Variants in PRRC2B observed in about 807,000 individuals in gnomAD.
PRRC2B encodes proline rich coiled-coil 2B.
Under a neutral mutation model 242.3 loss-of-function variants are expected in PRRC2B, and 68 were observed. The ratio of observed to expected loss-of-function variants is 0.28; its 90% confidence interval spans 0.23 to 0.34. The LOEUF is 0.34. PRRC2B is among the 10% of genes least tolerant of loss of function. The probability of loss-of-function intolerance (pLI) is 1.00; values close to 1 mark genes in which losing one functional copy is unlikely to be tolerated. For missense variants in PRRC2B, 2,835 were observed against 2,954.8 expected, an observed-to-expected ratio of 0.96 and a Z score of 0.94; for synonymous variants, 1,228 against 1,173.6, an observed-to-expected ratio of 1.05 and a Z score of -0.95.
chr9:131,466,841 G>A (rs1018072474), intron 12 of PRRC2B, among the ~76,000 whole-genome samples: 28 of 148,194 alleles, frequency 1.9e-4, no homozygotes, highest in African/African-American at 5.5e-4. Flanking sequence ...TCACTCTGTC[G>A]CCCAGGCTGG....
intron 3 of PRRC2B, among the ~76,000 whole-genome samples, chr9:131,436,002 A>T (rs1015999679): frequency 1.3e-5 from 2 of 152,218 alleles, no homozygotes; most frequent in Non-Finnish European, 2.9e-5. Context: ...TACTATGAGC[A>T]TGTATTTCTT....
Position 131,397,981 on chromosome 9 carries a change from G to C in PRRC2B, c.-52+3718G>C, listed in dbSNP as rs111783185. The stretch of plus-strand genomic sequence containing the variant: ...AGATCATAACTTGATCTCTTTTTAA[G>C]ATTATTTCTGGGACTTGTACAGCCT... On this transcript the variant is annotated intron_variant, in intron 1 of 31. Coordinates refer to ENST00000683519, the MANE Select transcript of PRRC2B (RefSeq NM_013318.4). 8.4e-3 allele frequency among the ~76,000 whole-genome samples: 1,272 copies of C among 152,300 alleles called. 17 individuals carry two copies. The highest frequency in any genetic ancestry group is 0.028 in the African/African-American group (1,144 of 41,552).
intron 1 of PRRC2B, among the ~76,000 whole-genome samples, chr9:131,399,389 C>T (rs1293172938): frequency 2.0e-5 from 3 of 151,506 alleles, no homozygotes; most frequent in African/African-American, 7.3e-5. Context: ...ACCATCCTGG[C>T]TAACACGATG....
intron 11 of PRRC2B, among the ~76,000 whole-genome samples, chr9:131,459,923 AC>A (rs1382620464): frequency 2.7e-5 from 4 of 146,308 alleles, no homozygotes; most frequent in Admixed American, 2.1e-4. Flanking sequence ...ATTGCTTGAG[AC>A]CAGGAGTTCA....
intron 3 of PRRC2B, 125 bp from the exon 4 acceptor site, chr9:131,436,495 A>G: frequency 1.5e-6 from 1 of 649,124 alleles, no homozygotes; most frequent in Non-Finnish European, 2.6e-6. Flanking sequence ...GGAAAGTCGT[A>G]TTTTTATTGG....
At position 131,475,580 on chromosome 9, in the gene PRRC2B, A is replaced by C; in HGVS notation, c.3451A>C (p.Arg1151=). 1.9e-6 allele frequency: 3 copies of C among 1,612,794 alleles called. No individual in the cohort carries two copies. Among genetic ancestry groups the C allele is most frequent in the Non-Finnish European group, 1.7e-6 (2 of 1,179,802 alleles). The change falls in exon 16 of 32, where the codon AGG becomes CGG. Residue 1151 remains arginine (R), a synonymous_variant. Transcript: ENST00000683519. ...YEELPKRRRQ[R]GSENGNEGSL... ...AGAACTTCCCAAGCGCCGCCGGCAG[A>C]GGGGCTCCGAGAACGGGAATGAAGG...
At position 131,487,412 on chromosome 9, in the gene PRRC2B, G is replaced by GAGGGGTGGGA; in HGVS notation, c.5984+119_5984+128dup. The GAGGGGTGGGA allele has an allele frequency of 1.7e-6, 1 of 598,850 alleles. No individual in the cohort carries two copies. Among genetic ancestry groups the GAGGGGTGGGA allele is most frequent in the East Asian group, 3.8e-5 (1 of 26,306 alleles). The allele number at this position is 598,850 out of a possible 1,614,324, so 37.1% of individuals were successfully genotyped here. On this transcript the variant is annotated intron_variant, in intron 27 of 31. Transcript: ENST00000683519. The surrounding 1 kb of genome is among the most constrained non-coding windows in gnomAD (Gnocchi z 5.3). Reference sequence around the variant, plus strand: ...TCTGCTTTGGGGCCAGTGGGGCGGGGAGGGGTGGGAGTTTGCTCTGAATCA... The same window carrying GAGGGGTGGGA: ...TCTGCTTTGGGGCCAGTGGGGCGGGGAGGGGTGGGAAGGGGTGGGAGTTTGCTCTGAATCA...
chr9:131,472,057 A>AT (rs1943562082), intron 14 of PRRC2B, among the ~76,000 whole-genome samples: 1 of 152,196 alleles, frequency 6.6e-6, no homozygotes, highest in Non-Finnish European at 1.5e-5. Flanking sequence ...ATCCTTATGT[A>AT]GTACCTTTGT....
rs188109346 is a variant in PRRC2B at position 131,419,488 on chromosome 9, G to A, written c.-51-10606G>A. 4.9e-3 allele frequency among the ~76,000 whole-genome samples: 750 copies of A among 152,300 alleles called. 6 individuals carry two copies. Among genetic ancestry groups the A allele is most frequent in the African/African-American group, 0.017 (711 of 41,554 alleles). On this transcript the variant is annotated intron_variant, in intron 1 of 31. Transcript: ENST00000683519. ...ACCCAGAGCAGCCCTGCTGGGGAAC[G>A]GAGGCTTCCCTGGCTGCATAGGAGT...
rs776953432 is a variant in PRRC2B, at chr9:131,495,743, AAAC to A, written c.6563_6565del (p.Gln2188del). On this transcript the variant is annotated inframe_deletion, in exon 32 of 32. Transcript: ENST00000683519. ...TTTCCCATTCATCTGTCCAAAGGCA[AAAC>A]AACGAGTGGATGAGAAACCCAGCCT... 16 of 1,609,724 alleles carry A rather than the reference AAAC, an allele frequency of 9.9e-6. No individual in the cohort carries two copies. Among genetic ancestry groups the A allele is most frequent in the African/African-American group, 1.3e-5 (1 of 74,880 alleles).
chr9:131,427,279 T>A (rs1426306040), intron 1 of PRRC2B, among the ~76,000 whole-genome samples: 1 of 152,152 alleles, frequency 6.6e-6, no homozygotes, highest in East Asian at 1.9e-4. Context: ...TTGGCCCCTG[T>A]TTGTAATCGA....
At chr9:131,457,447 T>C (rs1360094689) in intron 10 of PRRC2B, among the ~76,000 whole-genome samples, 1 of 152,236 alleles carries the variant, frequency 6.6e-6, no homozygotes, top group African/African-American at 2.4e-5. Flanking sequence ...CCAAGGGCAC[T>C]TCAAAATCAG....
At chr9:131,488,650 C>T (rs748095164) in intron 28 of PRRC2B, among the ~76,000 whole-genome samples, 31 of 152,170 alleles carry the variant, frequency 2.0e-4, no homozygotes, top group Non-Finnish European at 4.1e-4. Flanking sequence ...CTTCCTTTCT[C>T]CCTGCCCTTG....
chr9:131,426,485 G>A (rs886779464), intron 1 of PRRC2B, among the ~76,000 whole-genome samples: 7 of 152,072 alleles, frequency 4.6e-5, no homozygotes, highest in Admixed American at 3.3e-4. Context: ...CCCACGGAAC[G>A]ATGCTCTTAT....
rs1244126270 is a variant in PRRC2B at position 131,394,223 on chromosome 9, T to A, written c.-92T>A. The A allele has an allele frequency of 6.8e-6, 1 of 147,394 alleles. No individual in the cohort carries two copies. Among genetic ancestry groups the A allele is most frequent in the Non-Finnish European group, 1.5e-5 (1 of 66,080 alleles). The allele number at this position is 147,394 out of a possible 1,614,324, so 9.1% of individuals were successfully genotyped here. On this transcript the variant is annotated 5_prime_UTR_variant, in exon 1 of 32. Transcript: ENST00000683519. The stretch of plus-strand genomic sequence containing the variant: ...CCCCCGTGCCCGACCGCCGCCCGAC[T>A]GCCATCGCCCGGCCCGGCCGCGCCC...
chr9:131,416,876 A>G (rs894567526), intron 1 of PRRC2B, among the ~76,000 whole-genome samples: 8 of 149,744 alleles, frequency 5.3e-5, no homozygotes, highest in East Asian at 1.9e-4. Flanking sequence ...TTTAAGGGGG[A>G]AAAAAAGTTT....
At chr9:131,430,058 CTCT>C in intron 1 of PRRC2B, 33 bp from the exon 2 acceptor site, 1 of 633,838 alleles carries the variant, frequency 1.6e-6, no homozygotes, top group Non-Finnish European at 2.7e-6. Context: ...TTTTTTCTCT[CTCT>C]TTTTTTTTTT....
At chr9:131,418,620 A>G (rs2131305993) in intron 1 of PRRC2B, among the ~76,000 whole-genome samples, 1 of 152,288 alleles carries the variant, frequency 6.6e-6, no homozygotes. Context: ...AGGTGACATC[A>G]TTCCTACAGG....
At chr9:131,476,677 G>C (rs1943711187) in intron 16 of PRRC2B, 142 bp downstream of exon 16, 1 of 686,864 alleles carries the variant, frequency 1.5e-6, no homozygotes. Flanking sequence ...TCCATTGCCT[G>C]CCCCCACATT....
Sources: gnomAD v4.1 joint callset for allele counts (sites outside exome capture counted in the v4.1 genomes callset) on GRCh38, gnomAD v4.1.1 for gene constraint, Gnocchi (gnomAD v3.1) non-coding constraint, MANE v1.5 for transcripts, NCBI Gene and HGNC (gene_info 2026-07-23, HGNC 2026-07-21) for gene names.